The following SEC14L1 variants were observed in gnomAD, a reference collection of about 807,000 sequenced individuals.
The protein encoded by SEC14L1 is SEC14-like protein 1.
Under a neutral mutation model 85.3 loss-of-function variants are expected in SEC14L1, and 48 were observed. The observed-to-expected ratio is 0.56, with a 90% CI of 0.45 to 0.72. The LOEUF (loss-of-function observed/expected upper bound fraction) is 0.72. Ranked by LOEUF, SEC14L1 falls within the 30% of genes least tolerant of loss-of-function variation. The pLI, the probability that SEC14L1 is intolerant of heterozygous loss-of-function variation, is 0.00. For missense variants in SEC14L1, 682 were observed against 921.4 expected, an observed-to-expected ratio of 0.74 and a Z score of 3.36; for synonymous variants, 391 against 355.5, an observed-to-expected ratio of 1.10 and a Z score of -1.12.
At chr17:77,156,015 C>G (rs926022432) in intron 3 of SEC14L1, among the ~76,000 whole-genome samples, 2 of 152,154 alleles carry the variant, frequency 1.3e-5, no homozygotes, top group Non-Finnish European at 2.9e-5. Flanking sequence ...CTAATTATGT[C>G]GAATTTCTTG....
intron 3 of SEC14L1, among the ~76,000 whole-genome samples, chr17:77,163,280 C>CCAG (rs1478217884): frequency 1.3e-5 from 2 of 152,116 alleles, no homozygotes; most frequent in African/African-American, 4.8e-5. Flanking sequence ...GGACACAGAG[C>CCAG]GTCTGCCCCG....
At chr17:77,111,191 GAA>G (rs57425211) in intron 3 of SEC14L1, among the ~76,000 whole-genome samples, 138 of 101,116 alleles carry the variant, frequency 1.4e-3, no homozygotes, top group East Asian at 4.4e-3. Context: ...GTCTCAAAAA[GAA>G]AAAAAAAAAA....
chr17:77,190,889 G>A lies in SEC14L1; in HGVS notation c.150G>A (p.Gly50=). The part of the protein sequence containing the change: ...DTVNEFKSED[G]AIHVIERRCK... ...TGAATGAATTCAAGAGCGAAGATGG[G>A]GCTATTCATGTCATTGAAAGGCGCT... The change falls in exon 4 of 17, where the codon GGG becomes GGA. Residue 50 remains glycine, a synonymous_variant. Coordinates refer to ENST00000436233, the MANE Select transcript of SEC14L1 (RefSeq NM_001143998.2). 6.2e-7 allele frequency: 1 copy of A among 1,614,222 alleles called. No homozygotes were observed. The highest frequency in any genetic ancestry group is 8.5e-7 in the Non-Finnish European group (1 of 1,180,036).
chr17:77,174,998 G>A (rs1158764657), intron 3 of SEC14L1, among the ~76,000 whole-genome samples: 3 of 152,112 alleles, frequency 2.0e-5, no homozygotes, highest in Admixed American at 6.5e-5. Context: ...TAGGATAAAC[G>A]CATGATTTGT....
intron 3 of SEC14L1, among the ~76,000 whole-genome samples, chr17:77,185,875 G>C (rs1417100538): frequency 6.6e-6 from 1 of 152,104 alleles, no homozygotes; most frequent in African/African-American, 2.4e-5. Context: ...TGATTAAACT[G>C]CTTAAGTGTT....
chr17:77,156,192 C>T (rs548475362), intron 3 of SEC14L1, among the ~76,000 whole-genome samples: 15 of 152,246 alleles, frequency 9.9e-5, no homozygotes, highest in African/African-American at 3.6e-4. Context: ...AGGGTCCTGA[C>T]ACTCCACTGG....
intron 3 of SEC14L1, among the ~76,000 whole-genome samples, chr17:77,132,036 A>C (rs1301191846): frequency 6.6e-6 from 1 of 152,186 alleles, no homozygotes; most frequent in African/African-American, 2.4e-5. Context: ...CCACTGGATT[A>C]TTGCCAGGGC....
chr17:77,188,398 T>C (rs888806395), intron 3 of SEC14L1, among the ~76,000 whole-genome samples: 1 of 130,032 alleles, frequency 7.7e-6, no homozygotes, highest in Non-Finnish European at 1.6e-5. Flanking sequence ...TCATACCGTA[T>C]GTAACTGCTG....
intron 2 of SEC14L1, among the ~76,000 whole-genome samples, chr17:77,090,308 G>T (rs543909417): frequency 2.1e-4 from 32 of 148,986 alleles, no homozygotes; most frequent in Non-Finnish European, 4.4e-4. Context: ...AAAAAAAAGG[G>T]CATAATTCAA....
intron 3 of SEC14L1, among the ~76,000 whole-genome samples, chr17:77,117,506 G>C (rs1278037018): frequency 6.6e-6 from 1 of 152,206 alleles, no homozygotes; most frequent in East Asian, 1.9e-4. Context: ...ATGAATGTTT[G>C]ACAGCCTAAT....
At chr17:77,162,573 C>G (rs965230801) in intron 3 of SEC14L1, among the ~76,000 whole-genome samples, 4 of 151,936 alleles carry the variant, frequency 2.6e-5, no homozygotes, top group African/African-American at 9.7e-5. Context: ...TGGCTCACAC[C>G]TGTAATCCCA....
At chr17:77,183,310 G>A (rs139471192) in intron 3 of SEC14L1, among the ~76,000 whole-genome samples, 275 of 152,336 alleles carry the variant, frequency 1.8e-3, no homozygotes, top group African/African-American at 6.2e-3. Flanking sequence ...ATGCATGTCC[G>A]CTAGGTAAAT....
chr17:77,210,939 C>T (rs1976720253), intron 14 of SEC14L1: 1 of 152,222 alleles, frequency 6.6e-6, no homozygotes, highest in Non-Finnish European at 1.5e-5. Flanking sequence ...AGCGGAGGCC[C>T]CCACTGTGAA....
intron 10 of SEC14L1, 58 bp from the exon 11 acceptor site, chr17:77,205,218 C>T (rs140918438): frequency 1.3e-5 from 19 of 1,419,394 alleles, no homozygotes; most frequent in African/African-American, 4.2e-5. Flanking sequence ...CATAGCTGGA[C>T]GCGGTAGTTT....
chr17:77,149,736 G>C (rs1352371551), intron 3 of SEC14L1, among the ~76,000 whole-genome samples: 1 of 151,876 alleles, frequency 6.6e-6, no homozygotes, highest in African/African-American at 2.4e-5. Flanking sequence ...CTCTAATTCT[G>C]TTTTCAGACA....
At chr17:77,191,349 G>A (rs1259413586) in intron 5 of SEC14L1, 37 bp downstream of exon 5, 20 of 1,611,102 alleles carry the variant, frequency 1.2e-5, no homozygotes, top group Non-Finnish European at 1.5e-5. Flanking sequence ...ATGTTCTGCC[G>A]ACATATGGCT....
intron 8 of SEC14L1, among the ~76,000 whole-genome samples, chr17:77,198,613 C>T (rs1014054405): frequency 8.0e-5 from 12 of 149,268 alleles, no homozygotes; most frequent in African/African-American, 2.2e-4. Context: ...CTCGCCCTGT[C>T]GCCCAGGCTG....
chr17:77,127,360 C>CT (rs1972481042), intron 3 of SEC14L1, among the ~76,000 whole-genome samples: 2 of 145,492 alleles, frequency 1.4e-5, no homozygotes, highest in East Asian at 2.0e-4. Flanking sequence ...CTTTTCTTTT[C>CT]TTTTTTTGAG....
chr17:77,196,343 GC>G, intron 8 of SEC14L1, 32 bp downstream of exon 8: 1 of 1,286,096 alleles, frequency 7.8e-7, no homozygotes, highest in Non-Finnish European at 1.1e-6. Flanking sequence ...AGTGTGCAGG[GC>G]CAGAGCTACG....
Sources: allele counts gnomAD v4.1 joint callset (sites outside exome capture counted in the v4.1 genomes callset), GRCh38; gene constraint gnomAD v4.1.1; transcripts MANE v1.5; gene names NCBI Gene and HGNC (gene_info 2026-07-23, HGNC 2026-07-21).